QKI: variants seen among roughly 807,000 people sequenced by gnomAD.
QKI encodes QKI, KH domain containing RNA binding.
In QKI, 10 loss-of-function variants were observed where a neutral mutation model predicts 39.0. The ratio of observed to expected loss-of-function variants is 0.26; its 90% CI spans 0.16 to 0.43. QKI has a LOEUF of 0.43. Among genes scored for constraint, QKI ranks in the 20% least tolerant of loss-of-function variants. QKI has a pLI of 1.00. For synonymous variants in QKI, 204 were observed against 155.4 expected (o/e 1.31, Z -2.33); for missense variants, 218 against 428.0 (o/e 0.51, Z 4.33).
chr6:163,539,016 G>C lies in QKI; in HGVS notation c.546+3891G>C, dbSNP rs181060993. Reference sequence around the variant, plus strand: ...GTGAGAAAGTGGAACCTAGAATTATGTAGAATTAAGAATTGTCATTAGATC... The same window carrying C: ...GTGAGAAAGTGGAACCTAGAATTATCTAGAATTAAGAATTGTCATTAGATC... On this transcript the variant is annotated intron_variant, in intron 4 of 7. Transcript: ENST00000361752. 2.5e-4 allele frequency among the ~76,000 whole-genome samples: 38 copies of C among 152,316 alleles called. 1 individual carries two copies. The highest frequency in any genetic ancestry group is 8.7e-4 in the African/African-American group (36 of 41,578).
intron 4 of QKI, among the ~76,000 whole-genome samples, chr6:163,560,184 T>C (rs1487030550): frequency 6.6e-6 from 1 of 152,194 alleles, no homozygotes; most frequent in African/African-American, 2.4e-5. Context: ...AAATAAGCCC[T>C]ATTCTCATGG....
At chr6:163,547,719 C>T (rs889942588) in intron 4 of QKI, among the ~76,000 whole-genome samples, 6 of 152,122 alleles carry the variant, frequency 3.9e-5, no homozygotes, top group Non-Finnish European at 7.4e-5. Context: ...GGCTCCTTCC[C>T]ATCTATATCA....
intron 3 of QKI, among the ~76,000 whole-genome samples, chr6:163,482,678 A>G (rs1478136959): frequency 6.6e-6 from 1 of 151,434 alleles, no homozygotes; most frequent in African/African-American, 2.4e-5. Flanking sequence ...CGAACAGCAG[A>G]TGGAAAAGAT....
chr6:163,541,302 A>T (rs1781498337), intron 4 of QKI, among the ~76,000 whole-genome samples: 1 of 152,012 alleles, frequency 6.6e-6, no homozygotes, highest in African/African-American at 2.4e-5. Flanking sequence ...CTAATTTGTT[A>T]TGCTCAGTAT....
chr6:163,484,222 A>T (rs1793300498), intron 3 of QKI, among the ~76,000 whole-genome samples: 1 of 150,530 alleles, frequency 6.6e-6, no homozygotes, highest in South Asian at 2.1e-4. Context: ...TTTCTTTTTA[A>T]GACAGAGTCT....
chr6:163,536,608 A>G (rs1252628290), intron 4 of QKI, among the ~76,000 whole-genome samples: 11 of 152,316 alleles, frequency 7.2e-5, no homozygotes, highest in Admixed American at 6.5e-4. Context: ...CTATTTACCC[A>G]GTCACCTGTA....
Position 163,577,985 on chromosome 6 carries a change from C to G in QKI, c.*7275C>G, listed in dbSNP as rs1406506205. 6 of 152,062 alleles carry G rather than the reference C, an allele frequency of 3.9e-5. No homozygotes were observed. Among genetic ancestry groups the G allele is most frequent in the African/African-American group, 1.4e-4 (6 of 41,406 alleles). The allele number at this position is 152,062 out of a possible 1,614,324, so 9.4% of individuals were successfully genotyped here. A position where few individuals can be genotyped will look rare whatever the true frequency, so the allele number is the denominator to read the frequency against. ...TCTAATAGTTGTACTATACATATGTCTAAAATAATAGTCATGGTAAGTTTG... is the reference window on the plus strand; with the variant it reads ...TCTAATAGTTGTACTATACATATGTGTAAAATAATAGTCATGGTAAGTTTG... On this transcript the variant is annotated 3_prime_UTR_variant, in exon 8 of 8. Coordinates refer to ENST00000361752, the MANE Select transcript of QKI (RefSeq NM_006775.3).
At chr6:163,505,970 A>G (rs892420505) in intron 3 of QKI, among the ~76,000 whole-genome samples, 14 of 152,112 alleles carry the variant, frequency 9.2e-5, no homozygotes, top group African/African-American at 3.4e-4. Context: ...TGATTGGATC[A>G]TAGGGGTGGT....
chr6:163,448,070 C>CTAA (rs1790281722), intron 1 of QKI, among the ~76,000 whole-genome samples: 1 of 152,094 alleles, frequency 6.6e-6, no homozygotes, highest in East Asian at 1.9e-4. Flanking sequence ...GTGCAACTTA[C>CTAA]TGTTAGGTAC....
intron 3 of QKI, among the ~76,000 whole-genome samples, chr6:163,486,512 C>T (rs569213766): frequency 3.9e-5 from 6 of 152,222 alleles, no homozygotes; most frequent in African/African-American, 1.4e-4. Context: ...ACTTCTTTTA[C>T]GTGATGCTTT....
chr6:163,553,181 G>A (rs554182124), intron 4 of QKI, among the ~76,000 whole-genome samples: 2 of 151,014 alleles, frequency 1.3e-5, no homozygotes, highest in African/African-American at 4.9e-5. Context: ...TCGGCTCACT[G>A]CAACCTGCAC....
At chr6:163,466,689 G>C (rs1791781781) in intron 2 of QKI, among the ~76,000 whole-genome samples, 1 of 152,108 alleles carries the variant, frequency 6.6e-6, no homozygotes, top group Non-Finnish European at 1.5e-5. Flanking sequence ...AGATGAAAGT[G>C]GACCCTTACT....
intron 1 of QKI, among the ~76,000 whole-genome samples, chr6:163,453,335 A>G (rs1032643683): frequency 1.3e-5 from 2 of 152,052 alleles, no homozygotes; most frequent in African/African-American, 2.4e-5. Flanking sequence ...TCATGCTGCT[A>G]TTCTCAGGCT....
intron 3 of QKI, among the ~76,000 whole-genome samples, chr6:163,504,090 T>G (rs570262900): frequency 1.3e-5 from 2 of 152,278 alleles, no homozygotes; most frequent in East Asian, 3.9e-4. Flanking sequence ...TTTATTCTTC[T>G]GTGTGTGGCT....
intron 4 of QKI, among the ~76,000 whole-genome samples, chr6:163,543,810 G>T (rs2128243999): frequency 6.6e-6 from 1 of 152,014 alleles, no homozygotes; most frequent in Middle Eastern, 3.4e-3. Context: ...CACATTTGAG[G>T]AAAGACATTT....
intron 1 of QKI, among the ~76,000 whole-genome samples, chr6:163,429,960 G>T (rs981584059): frequency 2.0e-5 from 3 of 152,124 alleles, no homozygotes; most frequent in Non-Finnish European, 4.4e-5. Flanking sequence ...ACTAAAGACT[G>T]GTGCTAAAGA....
At chr6:163,567,278 G>A (rs1783423061) in intron 7 of QKI, 1 of 987,312 alleles carries the variant, frequency 1.0e-6, no homozygotes, top group African/African-American at 1.7e-5. Context: ...AAATATTTGA[G>A]CCACTGTATA....
At chr6:163,499,430 T>C (rs1404633517) in intron 3 of QKI, among the ~76,000 whole-genome samples, 1 of 152,218 alleles carries the variant, frequency 6.6e-6, no homozygotes, top group African/African-American at 2.4e-5. Flanking sequence ...TTTGATGATA[T>C]GATTAAATGT....
chr6:163,440,945 TAAA>T (rs1789721695), intron 1 of QKI, among the ~76,000 whole-genome samples: 2 of 152,172 alleles, frequency 1.3e-5, no homozygotes, highest in Non-Finnish European at 2.9e-5. Flanking sequence ...TTTAGGAAAT[TAAA>T]AAGCTTTTAT....
Sources: allele counts gnomAD v4.1 joint callset (sites outside exome capture counted in the v4.1 genomes callset), GRCh38; gene constraint gnomAD v4.1.1; transcripts MANE v1.5; gene names NCBI Gene and HGNC (gene_info 2026-07-23, HGNC 2026-07-21).